The following FSTL4 variants were observed in gnomAD, a reference collection of about 807,000 sequenced individuals.
The protein encoded by FSTL4 is follistatin-related protein 4.
Under a neutral mutation model 78.2 loss-of-function variants are expected in FSTL4, and 28 were observed. That is an observed-to-expected ratio of 0.36 (90% CI 0.27 to 0.49). The LOEUF (loss-of-function observed/expected upper bound fraction) is 0.49, where lower values mean the gene tolerates loss of function less well. Among genes scored for constraint, FSTL4 ranks in the 20% least tolerant of loss-of-function variants. The pLI is 0.98. For missense variants in FSTL4, 922 were observed against 1,084.9 expected, an observed-to-expected ratio of 0.85 and a Z score of 2.11; for synonymous variants, 422 against 440.5, an observed-to-expected ratio of 0.96 and a Z score of 0.53.
the FSTL4 span, among the ~76,000 whole-genome samples, chr5:133,703,292 G>T: frequency 6.6e-6 from 1 of 152,234 alleles, no homozygotes; most frequent in Admixed American, 6.5e-5. Context: ...TACTACATCC[G>T]TTACCATTCC....
At chr5:133,203,669 A>C (rs1038937774) in intron 14 of FSTL4, among the ~76,000 whole-genome samples, 51 of 152,284 alleles carry the variant, frequency 3.3e-4, no homozygotes, top group African/African-American at 1.1e-3. Context: ...GCGTTAGGAA[A>C]CTGGATCTTA....
intron 3 of FSTL4, among the ~76,000 whole-genome samples, chr5:133,522,587 G>A (rs1160616056): frequency 1.3e-5 from 2 of 152,154 alleles, no homozygotes. Flanking sequence ...TCTCTGATGT[G>A]ACTTGCAGAC....
At chr5:133,416,703 T>C (rs1020219468) in intron 3 of FSTL4, among the ~76,000 whole-genome samples, 2 of 152,216 alleles carry the variant, frequency 1.3e-5, no homozygotes, top group Non-Finnish European at 2.9e-5. Context: ...ATTTCAGTAA[T>C]ATTCTTGCCA....
intron 8 of FSTL4, 148 bp downstream of exon 8, chr5:133,233,269 C>T (rs958953249): frequency 2.1e-5 from 19 of 911,000 alleles, no homozygotes; most frequent in African/African-American, 1.5e-4. Flanking sequence ...CCTTTCCACA[C>T]GGTTCCCCTT....
chr5:133,372,735 A>G (rs1489093832), intron 4 of FSTL4, among the ~76,000 whole-genome samples: 1 of 152,180 alleles, frequency 6.6e-6, no homozygotes, highest in Non-Finnish European at 1.5e-5. Flanking sequence ...TCCTCTCTGG[A>G]GAGTTCAGGG....
chr5:133,645,978 T>C, the FSTL4 span, among the ~76,000 whole-genome samples: 2 of 152,134 alleles, frequency 1.3e-5, no homozygotes, highest in Non-Finnish European at 1.5e-5. Context: ...AGTTAGTGCA[T>C]TGTGTTATGG....
the FSTL4 span, among the ~76,000 whole-genome samples, chr5:133,772,207 T>C: frequency 1.5e-4 from 23 of 152,360 alleles, 1 homozygote; most frequent in East Asian, 3.9e-3. Flanking sequence ...TTATATCCAA[T>C]TTGGCTTTCC....
intron 4 of FSTL4, among the ~76,000 whole-genome samples, chr5:133,320,459 T>A (rs1754019670): frequency 6.6e-6 from 1 of 152,098 alleles, no homozygotes; most frequent in South Asian, 2.1e-4. Context: ...TGTCTAATTC[T>A]AGAAGAAATA....
At chr5:133,635,348 G>A in the FSTL4 span, among the ~76,000 whole-genome samples, 1 of 152,232 alleles carries the variant, frequency 6.6e-6, no homozygotes, top group Non-Finnish European at 1.5e-5. Flanking sequence ...CTTAATAACA[G>A]TAGGTCTTGA....
chr5:133,482,178 C>T (rs898894544), intron 3 of FSTL4, among the ~76,000 whole-genome samples: 1 of 152,190 alleles, frequency 6.6e-6, no homozygotes, highest in Non-Finnish European at 1.5e-5. Context: ...GAAGGAAATG[C>T]CATGCAAATG....
the FSTL4 span, among the ~76,000 whole-genome samples, chr5:133,703,632 C>T: frequency 6.6e-6 from 1 of 152,152 alleles, no homozygotes; most frequent in Non-Finnish European, 1.5e-5. Flanking sequence ...GAGGAAACTT[C>T]CAGAGAGGAA....
Position 133,262,664 on chromosome 5 carries a change from G to A in FSTL4, c.728-13088C>T, listed in dbSNP as rs553201483. Among the ~76,000 whole-genome samples, 174 of 152,290 alleles carry A rather than the reference G, an allele frequency of 1.1e-3. 4 individuals carry two copies. The highest frequency in any genetic ancestry group is 4.3e-4 in the Non-Finnish European group (29 of 68,026). Reference sequence around the variant, plus strand: ...CTGCGGGATGGTAACCTTGCAGGCTGTAATCCTTTATAAGAAAGAAAGTCT... The same window carrying A: ...CTGCGGGATGGTAACCTTGCAGGCTATAATCCTTTATAAGAAAGAAAGTCT... On this transcript the variant is annotated intron_variant, in intron 6 of 15. Coordinates refer to ENST00000265342, the MANE Select transcript of FSTL4 (RefSeq NM_015082.2).
intron 3 of FSTL4, among the ~76,000 whole-genome samples, chr5:133,511,530 A>G (rs993829821): frequency 1.3e-5 from 2 of 152,218 alleles, no homozygotes; most frequent in Non-Finnish European, 2.9e-5. Flanking sequence ...TAACTGGAGC[A>G]AGGGGCACAC....
chr5:133,244,527 T>C (rs928850299), intron 7 of FSTL4: 5 of 152,000 alleles, frequency 3.3e-5, no homozygotes, highest in Non-Finnish European at 7.4e-5. Context: ...CTGGGGAACA[T>C]GAACGTGAGC....
rs956593397 is a variant in FSTL4 at position 133,611,866 on chromosome 5, C to G, written c.-11+459G>C. Among the ~76,000 whole-genome samples the G allele has an allele frequency of 2.0e-5, 3 of 152,138 alleles. No homozygotes were observed. Among genetic ancestry groups the G allele is most frequent in the Admixed American group, 1.3e-4 (2 of 15,284 alleles). ...GCCTGCCCGGCGCCCCAACCCGGAG[C>G]CAAGGGCACCGGGCCCGGGCCGAGG... On this transcript the variant is annotated intron_variant, in intron 1 of 15. Transcript: ENST00000265342. The surrounding 1 kb of genome is among the most constrained non-coding windows in gnomAD (Gnocchi z 4.9).
intron 3 of FSTL4, among the ~76,000 whole-genome samples, chr5:133,411,980 A>G (rs766294918): frequency 2.6e-5 from 4 of 152,204 alleles, no homozygotes; most frequent in Non-Finnish European, 5.9e-5. Context: ...ACCATAAAAT[A>G]TTAGTAAACA....
At chr5:133,369,119 C>T (rs1755236559) in intron 4 of FSTL4, among the ~76,000 whole-genome samples, 1 of 152,138 alleles carries the variant, frequency 6.6e-6, no homozygotes, top group African/African-American at 2.4e-5. Flanking sequence ...GCAGGCACAC[C>T]CACACATGGC....
intron 2 of FSTL4, among the ~76,000 whole-genome samples, chr5:133,581,266 G>GTTT (rs1760399505): frequency 6.6e-6 from 1 of 152,164 alleles, no homozygotes; most frequent in Non-Finnish European, 1.5e-5. Flanking sequence ...AGCTAGATTG[G>GTTT]TGTTTACTTA....
intron 3 of FSTL4, among the ~76,000 whole-genome samples, chr5:133,557,798 A>G (rs776605433): frequency 3.3e-5 from 5 of 152,206 alleles, no homozygotes; most frequent in Non-Finnish European, 4.4e-5. Context: ...TCACTGGACT[A>G]TCCAATTACA....
Sources: allele counts gnomAD v4.1 joint callset (sites outside exome capture counted in the v4.1 genomes callset), GRCh38; gene constraint gnomAD v4.1.1; non-coding constraint Gnocchi (gnomAD v3.1); transcripts MANE v1.5; gene names NCBI Gene and HGNC (gene_info 2026-07-23, HGNC 2026-07-21).